Variants in WDR37 observed in about 807,000 individuals in gnomAD.
WDR37 encodes WD repeat-containing protein 37.
WDR37 carries 19 observed loss-of-function variants against 62.9 expected under a neutral mutation model. The observed-to-expected ratio is 0.30, with a 90% CI of 0.21 to 0.44. The LOEUF is 0.44. Ranked by LOEUF, WDR37 falls within the 20% of genes least tolerant of loss-of-function variation. The probability of loss-of-function intolerance (pLI) is 1.00; values close to 1 mark genes in which losing one functional copy is unlikely to be tolerated. For synonymous variants in WDR37, 250 were observed against 260.9 expected (o/e 0.96, Z 0.40); for missense variants, 474 against 657.6 (o/e 0.72, Z 3.05).
Position 1,125,042 on chromosome 10 carries a change from G to A in WDR37, c.1353+18G>A. 2 of 1,614,040 alleles carry A rather than the reference G, an allele frequency of 1.2e-6. No homozygotes were observed. Among genetic ancestry groups the A allele is most frequent in the Middle Eastern group, 1.6e-4 (1 of 6,062 alleles). On this transcript the variant is annotated intron_variant, in intron 13 of 13. Transcript: ENST00000263150. The stretch of plus-strand genomic sequence containing the variant: ...GCCGACAGGTAACAGCACGGTCGGT[G>A]AACATATGCAGGGCACAGTGGAGGA...
Position 1,131,282 on chromosome 10 carries a change from C to G in WDR37, c.*1938C>G, listed in dbSNP as rs925063864. On this transcript the variant is annotated 3_prime_UTR_variant, in exon 14 of 14. Transcript: ENST00000263150. ...CTTCTGGGGCCACTGCACAGGCCACCTGCTTGGGTTCCTCGGAGTTTAATT... is the reference window on the plus strand; with the variant it reads ...CTTCTGGGGCCACTGCACAGGCCACGTGCTTGGGTTCCTCGGAGTTTAATT... The G allele has an allele frequency of 6.6e-6, 1 of 152,256 alleles. No individual in the cohort carries two copies. The highest frequency in any genetic ancestry group is 1.5e-5 in the Non-Finnish European group (1 of 68,076). 9.4% of individuals were successfully genotyped at this position (152,256 alleles called of 1,614,324 possible). A position where few individuals can be genotyped will look rare whatever the true frequency, so the allele number is the denominator to read the frequency against.
At chr10:1,123,602 G>A (rs1351757853) in intron 11 of WDR37, among the ~76,000 whole-genome samples, 1 of 152,236 alleles carries the variant, frequency 6.6e-6, no homozygotes, top group African/African-American at 2.4e-5. Flanking sequence ...TCCATCTGCT[G>A]ATGGACATGT....
intron 11 of WDR37, among the ~76,000 whole-genome samples, chr10:1,111,718 TTTTTATTTGACTG>T: frequency 6.6e-6 from 1 of 152,358 alleles, no homozygotes; most frequent in Non-Finnish European, 1.5e-5. Context: ...TGTGTGGCTG[TTTTTATTTGACTG>T]TTTGTTAGTG....
intron 5 of WDR37, among the ~76,000 whole-genome samples, chr10:1,083,512 G>A (rs572885761): frequency 1.7e-4 from 26 of 152,290 alleles, no homozygotes; most frequent in African/African-American, 5.5e-4. Context: ...TCTTCACTTA[G>A]TTTTTTTGTT....
In WDR37 at chr10:1,072,105, G is replaced by T. The variant is rs1389524142; in HGVS notation, c.-40-11G>T. On this transcript the variant is annotated splice_polypyrimidine_tract_variant and intron_variant, in intron 1 of 13. Transcript: ENST00000263150. ...TGTATCAGAAACACTGTTTTTTCTT[G>T]CTGTTTTTAGCTTATTGCAGGAGTG... 22 of 1,571,246 alleles carry T rather than the reference G, an allele frequency of 1.4e-5. No homozygotes were observed. The highest frequency in any genetic ancestry group is 7.7e-5 in the Admixed American group (4 of 52,260).
At chr10:1,088,745 G>A (rs1834286003) in intron 7 of WDR37, among the ~76,000 whole-genome samples, 1 of 151,996 alleles carries the variant, frequency 6.6e-6, no homozygotes, top group Admixed American at 6.5e-5. Flanking sequence ...ACCAGCGTGT[G>A]TCACAGAGAC....
chr10:1,058,309 T>C lies in WDR37; in HGVS notation c.-41+1341T>C, dbSNP rs1378004825. Among the ~76,000 whole-genome samples the C allele has an allele frequency of 8.5e-5, 13 of 152,358 alleles. No individual in the cohort carries two copies. The East Asian group carries it at 2.1e-3, about 25-fold the overall frequency. ...TTTTCTTACTGGGAAGGTTACGTTA[T>C]GTAATATATGCCAGCCATTTTTGCA... On this transcript the variant is annotated intron_variant, in intron 1 of 13. Transcript: ENST00000263150.
chr10:1,123,520 G>A (rs1242654445), intron 11 of WDR37, among the ~76,000 whole-genome samples: 1 of 152,114 alleles, frequency 6.6e-6, no homozygotes, highest in Non-Finnish European at 1.5e-5. Flanking sequence ...GTTCATTCAT[G>A]TCATAGCACG....
intron 1 of WDR37, among the ~76,000 whole-genome samples, chr10:1,062,684 T>C (rs1038351599): frequency 2.6e-5 from 4 of 152,182 alleles, no homozygotes; most frequent in African/African-American, 7.2e-5. Flanking sequence ...ACATATGCAA[T>C]TTGAGAATAA....
intron 5 of WDR37, among the ~76,000 whole-genome samples, chr10:1,081,696 A>C (rs1374041320): frequency 6.6e-6 from 1 of 152,158 alleles, no homozygotes; most frequent in Admixed American, 6.5e-5. Context: ...CAAGTTTTGA[A>C]CTTTTTAATA....
At chr10:1,061,880 A>ATACATGAAACATAAATGAACTTT (rs1833382193) in intron 1 of WDR37, among the ~76,000 whole-genome samples, 1 of 152,008 alleles carries the variant, frequency 6.6e-6, no homozygotes, top group Non-Finnish European at 1.5e-5. Context: ...TGCATGAGGT[A>ATACATGAAACATAAATGAACTTT]TACATGAAAC....
intron 1 of WDR37, among the ~76,000 whole-genome samples, chr10:1,066,957 A>G (rs1296549480): frequency 6.6e-6 from 1 of 152,190 alleles, no homozygotes; most frequent in Non-Finnish European, 1.5e-5. Flanking sequence ...TATCACGAGA[A>G]CAGCACGGGA....
At chr10:1,087,608 G>T (rs1834244218) in intron 7 of WDR37, among the ~76,000 whole-genome samples, 1 of 152,192 alleles carries the variant, frequency 6.6e-6, no homozygotes, top group Non-Finnish European at 1.5e-5. Flanking sequence ...TATGATAGGT[G>T]TAGGTCTTAA....
intron 6 of WDR37, 52 bp downstream of exon 6, chr10:1,084,590 C>T: frequency 1.3e-6 from 2 of 1,591,706 alleles, no homozygotes; most frequent in Non-Finnish European, 1.7e-6. Flanking sequence ...TGTGCTTAAT[C>T]CCTGAGTGAT....
intron 2 of WDR37, among the ~76,000 whole-genome samples, chr10:1,077,543 G>A (rs1050458370): frequency 2.6e-5 from 4 of 152,166 alleles, no homozygotes; most frequent in African/African-American, 4.8e-5. Flanking sequence ...GATAGCGTAT[G>A]ATGGCACTCA....
At chr10:1,110,083 C>T (rs1835162774) in intron 11 of WDR37, among the ~76,000 whole-genome samples, 1 of 152,208 alleles carries the variant, frequency 6.6e-6, no homozygotes, top group South Asian at 2.1e-4. Context: ...CTCAAATTAT[C>T]ATGAACTAGC....
intron 5 of WDR37, 104 bp from the exon 6 acceptor site, chr10:1,084,299 G>A: frequency 1.4e-6 from 2 of 1,414,116 alleles, no homozygotes; most frequent in Non-Finnish European, 9.7e-7. Context: ...GTCCTAGTCA[G>A]TGATTTGTGC....
At chr10:1,080,620 T>C (rs1833997935) in intron 5 of WDR37, 144 bp downstream of exon 5, 1 of 965,164 alleles carries the variant, frequency 1.0e-6, no homozygotes. Flanking sequence ...TAAAGGAATG[T>C]CCTGGCTGGG....
Position 1,103,938 on chromosome 10 carries a change from C to T in WDR37, c.961+102C>T. 1 of 1,171,316 alleles carries T rather than the reference C, an allele frequency of 8.5e-7. No individual in the cohort carries two copies. Among genetic ancestry groups the T allele is most frequent in the East Asian group, 2.6e-5 (1 of 38,774 alleles). 72.6% of individuals were successfully genotyped at this position (1,171,316 alleles called of 1,614,324 possible). On this transcript the variant is annotated intron_variant, in intron 10 of 13. Transcript: ENST00000263150. This position sits in a 1 kb window ranked among gnomAD's most constrained non-coding sequence, Gnocchi z 6.3. ...CACTTACTTCTTGACCAGAATGAGT[C>T]TCTGTGTTCTTGGCTCTTCTGTGGT...
Sources: allele counts gnomAD v4.1 joint callset (sites outside exome capture counted in the v4.1 genomes callset), GRCh38; gene constraint gnomAD v4.1.1; non-coding constraint Gnocchi (gnomAD v3.1); transcripts MANE v1.5; gene names NCBI Gene and HGNC (gene_info 2026-07-23, HGNC 2026-07-21).